Variants in FRAS1 observed in about 807,000 individuals in gnomAD.
FRAS1 encodes the protein extracellular matrix organizing protein FRAS1.
In FRAS1, 290 loss-of-function variants were observed where a neutral mutation model predicts 435.2. The observed-to-expected ratio is 0.67, with a 90% confidence interval of 0.61 to 0.73. The LOEUF (loss-of-function observed/expected upper bound fraction) is 0.73, where lower values mean the gene tolerates loss of function less well. Among genes scored for constraint, FRAS1 ranks in the 30% least tolerant of loss-of-function variants. The pLI, the probability that FRAS1 is intolerant of heterozygous loss-of-function variation, is 0.00. For missense variants in FRAS1, 4,860 were observed against 5,001.5 expected (o/e 0.97, Z 0.85); for synonymous variants, 1,800 against 1,851.0 (o/e 0.97, Z 0.71).
chr4:78,518,716 A>G (rs946401937), intron 66 of FRAS1, among the ~76,000 whole-genome samples: 1 of 152,180 alleles, frequency 6.6e-6, no homozygotes, highest in Non-Finnish European at 1.5e-5. Context: ...TTTCCAAAGC[A>G]TAGCATGGGA....
chr4:78,085,975 C>T (rs1222530518), intron 2 of FRAS1, among the ~76,000 whole-genome samples: 2 of 152,110 alleles, frequency 1.3e-5, no homozygotes, highest in Admixed American at 6.6e-5. Flanking sequence ...AATATACATT[C>T]TTTTCAGCAC....
chr4:78,387,090 C>G (rs1732244043), intron 28 of FRAS1, among the ~76,000 whole-genome samples: 1 of 152,058 alleles, frequency 6.6e-6, no homozygotes, highest in Non-Finnish European at 1.5e-5. Context: ...GTCAGGATAG[C>G]AGAGAAATTA....
Position 78,234,936 on chromosome 4 carries a change from A to G in FRAS1, c.109-2574A>G, listed in dbSNP as rs894843101. Among the ~76,000 whole-genome samples the G allele has an allele frequency of 2.6e-4, 39 of 152,332 alleles. 1 individual carries two copies. Among genetic ancestry groups the G allele is most frequent in the Middle Eastern group, 3.4e-3 (1 of 294 alleles). On this transcript the variant is annotated intron_variant, in intron 2 of 73. Transcript: ENST00000512123. ...AATATATTCATATACGTCCTATTGGATATCTCTCTAAGACAGAGGCAGAGA... is the reference window on the plus strand; with the variant it reads ...AATATATTCATATACGTCCTATTGGGTATCTCTCTAAGACAGAGGCAGAGA...
At chr4:78,284,656 C>A in intron 13 of FRAS1, 108 bp downstream of exon 13, 4 of 998,420 alleles carry the variant, frequency 4.0e-6, no homozygotes, top group Non-Finnish European at 5.8e-6. Context: ...GGGGGTCATG[C>A]ATGCAGCATG....
chr4:78,481,164 T>C (rs1719999383), intron 56 of FRAS1, among the ~76,000 whole-genome samples: 1 of 152,234 alleles, frequency 6.6e-6, no homozygotes, highest in Non-Finnish European at 1.5e-5. Context: ...ATGAAGCTTT[T>C]CTCTGCCCTT....
chr4:78,138,408 G>A (rs943484409), intron 2 of FRAS1, among the ~76,000 whole-genome samples: 2 of 152,184 alleles, frequency 1.3e-5, no homozygotes, highest in Non-Finnish European at 2.9e-5. Flanking sequence ...GAAGATCAGG[G>A]AAAAGTAACC....
At chr4:78,395,701 A>T (rs1266978399) in intron 29 of FRAS1, among the ~76,000 whole-genome samples, 1 of 151,834 alleles carries the variant, frequency 6.6e-6, no homozygotes, top group Non-Finnish European at 1.5e-5. Flanking sequence ...TTTTATTTGC[A>T]TGGTATATAT....
At chr4:78,149,345 C>T (rs1417725453) in intron 2 of FRAS1, among the ~76,000 whole-genome samples, 1 of 152,122 alleles carries the variant, frequency 6.6e-6, no homozygotes, top group Non-Finnish European at 1.5e-5. Flanking sequence ...TTTTCTCAAT[C>T]CTCTGGTTGT....
chr4:78,126,912 T>C lies in FRAS1; in HGVS notation c.108+60896T>C, dbSNP rs560067191. Among the ~76,000 whole-genome samples the C allele has an allele frequency of 1.2e-3, 185 of 152,304 alleles. 1 individual carries two copies. Among genetic ancestry groups the C allele is most frequent in the African/African-American group, 4.2e-3 (175 of 41,568 alleles). ...GCAGATTAGTGGAACCTTGATGTGATAGCCTGAAGATAATGAAGTCACTCA... is the reference window on the plus strand; with the variant it reads ...GCAGATTAGTGGAACCTTGATGTGACAGCCTGAAGATAATGAAGTCACTCA... On this transcript the variant is annotated intron_variant, in intron 2 of 73. Coordinates refer to ENST00000512123, the MANE Select transcript of FRAS1 (RefSeq NM_025074.7).
chr4:78,370,194 C>T (rs1162671397), intron 23 of FRAS1, among the ~76,000 whole-genome samples: 1 of 152,166 alleles, frequency 6.6e-6, no homozygotes, highest in Non-Finnish European at 1.5e-5. Flanking sequence ...CTATTTGTGT[C>T]AGATGTTGTG....
chr4:78,454,542 A>G (rs760416583), intron 47 of FRAS1, among the ~76,000 whole-genome samples: 1 of 152,246 alleles, frequency 6.6e-6, no homozygotes, highest in Non-Finnish European at 1.5e-5. Flanking sequence ...AGCACCCCCA[A>G]GACCTTGGCT....
At chr4:78,500,094 T>C (rs1242397218) in intron 61 of FRAS1, among the ~76,000 whole-genome samples, 173 bp downstream of exon 61, 3 of 152,084 alleles carry the variant, frequency 2.0e-5, no homozygotes, top group Non-Finnish European at 2.9e-5. Flanking sequence ...TTCGTAAAAA[T>C]GACATGGGGG....
intron 2 of FRAS1, among the ~76,000 whole-genome samples, chr4:78,114,998 CGT>C (rs1743047150): frequency 6.6e-6 from 1 of 151,922 alleles, no homozygotes; most frequent in African/African-American, 2.4e-5. Flanking sequence ...TTTTGAGATA[CGT>C]CCCATCAATA....
At position 78,289,440 on chromosome 4, in the gene FRAS1, T is replaced by G. The variant is rs1188641472; in HGVS notation, c.1534+2901T>G. On this transcript the variant is annotated intron_variant, in intron 14 of 73. Transcript: ENST00000512123. ...CCTTTACAACTCCAGAGTTTGATGCTTTGACCACTGTACATTAAGGCTTAG... is the reference window on the plus strand; with the variant it reads ...CCTTTACAACTCCAGAGTTTGATGCGTTGACCACTGTACATTAAGGCTTAG... Among the ~76,000 whole-genome samples the G allele has an allele frequency of 2.0e-5, 3 of 152,202 alleles. No individual in the cohort carries two copies. In the East Asian group the frequency reaches 5.8e-4, roughly 29 times the overall value.
intron 14 of FRAS1, among the ~76,000 whole-genome samples, chr4:78,296,456 T>C (rs2110200973): frequency 6.6e-6 from 1 of 152,272 alleles, no homozygotes; most frequent in Middle Eastern, 3.4e-3. Flanking sequence ...GAACTTCTTT[T>C]AAATTAGCCT....
chr4:78,188,824 T>G (rs940438438), intron 2 of FRAS1, among the ~76,000 whole-genome samples: 1 of 152,312 alleles, frequency 6.6e-6, no homozygotes, highest in Middle Eastern at 3.4e-3. Flanking sequence ...GTTTAGTCCT[T>G]GCATAGACAG....
chr4:78,146,063 G>A (rs1224486491), intron 2 of FRAS1, among the ~76,000 whole-genome samples: 1 of 152,074 alleles, frequency 6.6e-6, no homozygotes, highest in Non-Finnish European at 1.5e-5. Flanking sequence ...TTTCTTTATG[G>A]CAGCATGAGA....
At chr4:78,176,094 G>A (rs1034606162) in intron 2 of FRAS1, among the ~76,000 whole-genome samples, 4 of 152,108 alleles carry the variant, frequency 2.6e-5, no homozygotes, top group Non-Finnish European at 5.9e-5. Flanking sequence ...GAAATTAAGG[G>A]TAATAATACC....
chr4:78,383,919 T>C, intron 27 of FRAS1, 140 bp from the exon 28 acceptor site: 1 of 581,740 alleles, frequency 1.7e-6, no homozygotes, highest in East Asian at 3.2e-5. Context: ...TTTTTCTTTA[T>C]AGTATGAGTG....
Sources: gnomAD v4.1 joint callset for allele counts (sites outside exome capture counted in the v4.1 genomes callset) on GRCh38, gnomAD v4.1.1 for gene constraint, MANE v1.5 for transcripts, NCBI Gene and HGNC (gene_info 2026-07-23, HGNC 2026-07-21) for gene names.